PCDH15: variants seen among roughly 807,000 people sequenced by gnomAD.
PCDH15 encodes protocadherin related 15.
Under a neutral mutation model 178.5 loss-of-function variants are expected in PCDH15, and 129 were observed. That is an observed-to-expected ratio of 0.72 (90% CI 0.63 to 0.84). PCDH15 has a LOEUF of 0.84. PCDH15 is among the 40% of genes least tolerant of loss of function. The pLI is 0.00. For missense variants in PCDH15, 2,230 were observed against 2,099.9 expected (o/e 1.06, Z -1.21); for synonymous variants, 800 against 732.0 (o/e 1.09, Z -1.50).
intron 1 of PCDH15, among the ~76,000 whole-genome samples, chr10:54,780,635 C>A (rs189546410): frequency 7.3e-5 from 11 of 149,838 alleles, no homozygotes; most frequent in South Asian, 2.1e-4. Flanking sequence ...AAAACACTAT[C>A]AAGTTTCTGG....
chr10:54,452,577 CTAAAG>C (rs2076546881), intron 3 of PCDH15: 1 of 151,990 alleles, frequency 6.6e-6, no homozygotes, highest in Non-Finnish European at 1.5e-5. Context: ...AATCCTAGGA[CTAAAG>C]TTGGTAAGCC....
At chr10:55,062,763 G>A (rs1267148498) in intron 2 of PCDH15, among the ~76,000 whole-genome samples, 2 of 152,118 alleles carry the variant, frequency 1.3e-5, no homozygotes, top group African/African-American at 4.8e-5. Flanking sequence ...TATTACTATA[G>A]ACTCATCAAT....
At chr10:55,217,269 A>G (rs2132178507) in intron 1 of PCDH15, among the ~76,000 whole-genome samples, 1 of 151,960 alleles carries the variant, frequency 6.6e-6, no homozygotes, top group East Asian at 1.9e-4. Flanking sequence ...AAAACATATC[A>G]ATAGATAGGG....
intron 2 of PCDH15, among the ~76,000 whole-genome samples, chr10:55,364,392 C>A: frequency 6.6e-6 from 1 of 152,124 alleles, no homozygotes; most frequent in East Asian, 1.9e-4. Flanking sequence ...TCTGTCAGCA[C>A]TTTAAAAATG....
intron 35 of PCDH15, 139 bp from the exon 36 acceptor site, chr10:53,811,758 A>T: frequency 2.1e-6 from 1 of 487,064 alleles, no homozygotes; most frequent in Non-Finnish European, 3.6e-6. Flanking sequence ...TGTCAGTTAA[A>T]GCAATTAAAA....
At chr10:54,772,057 AG>A in intron 1 of PCDH15, among the ~76,000 whole-genome samples, 1 of 152,300 alleles carries the variant, frequency 6.6e-6, no homozygotes, top group South Asian at 2.1e-4. Context: ...GCCACCCATG[AG>A]TCCACTCAGA....
intron 3 of PCDH15, among the ~76,000 whole-genome samples, chr10:54,871,333 G>A (rs72798524): frequency 0.11 from 17,106 of 151,522 alleles, 1,318 homozygotes; most frequent in East Asian, 0.24. Context: ...ATATGAGACT[G>A]TAGATAATGA....
In PCDH15 at chr10:55,365,591, G is replaced by A. The variant is rs1448192669; in HGVS notation, c.-155-198940C>T. 2.0e-5 allele frequency among the ~76,000 whole-genome samples: 3 copies of A among 152,074 alleles called. No individual in the cohort carries two copies. In the East Asian group the frequency reaches 5.8e-4, roughly 29 times the overall value. Reference sequence around the variant, plus strand: ...TGTCATGGGAGGAACCCAGTGGGAGGTGATTGCATTATGGGGGAGGGTCTT... The same window carrying A: ...TGTCATGGGAGGAACCCAGTGGGAGATGATTGCATTATGGGGGAGGGTCTT... On this transcript the variant is annotated intron_variant, in intron 2 of 5. Transcript: ENST00000613346.
intron 3 of PCDH15, among the ~76,000 whole-genome samples, chr10:54,421,671 C>CATATAT (rs369324916): frequency 9.1e-6 from 1 of 109,944 alleles, no homozygotes; most frequent in East Asian, 2.3e-4. Flanking sequence ...TGTATATATA[C>CATATAT]ATATATATAT....
intron 2 of PCDH15, among the ~76,000 whole-genome samples, chr10:54,571,930 T>A (rs2089903171): frequency 6.6e-6 from 1 of 152,100 alleles, no homozygotes; most frequent in Non-Finnish European, 1.5e-5. Context: ...GGGTGTGAGT[T>A]GAAGAACAGT....
intron 2 of PCDH15, among the ~76,000 whole-genome samples, chr10:55,488,417 T>C (rs1249613489): frequency 4.0e-5 from 6 of 151,532 alleles, no homozygotes; most frequent in East Asian, 2.0e-4. Flanking sequence ...TATCAATCAA[T>C]GCATAGCAAG....
At chr10:55,297,173 G>GA (rs971967977) in intron 1 of PCDH15, among the ~76,000 whole-genome samples, 2 of 151,084 alleles carry the variant, frequency 1.3e-5, no homozygotes, top group Non-Finnish European at 3.0e-5. Flanking sequence ...CAGTATGTTA[G>GA]AAAAAAAATA....
At chr10:55,493,677 T>C (rs1840471576) in intron 2 of PCDH15, among the ~76,000 whole-genome samples, 1 of 151,868 alleles carries the variant, frequency 6.6e-6, no homozygotes, top group African/African-American at 2.4e-5. Context: ...TTTCAAAAGA[T>C]GAAGGCAAAA....
chr10:55,527,474 G>T (rs1841325459), intron 2 of PCDH15, among the ~76,000 whole-genome samples: 1 of 151,870 alleles, frequency 6.6e-6, no homozygotes, highest in Admixed American at 6.6e-5. Flanking sequence ...GATTAGGGTC[G>T]ATTTACTCCA....
chr10:55,301,737 C>T (rs1378815302), intron 1 of PCDH15, among the ~76,000 whole-genome samples: 1 of 152,038 alleles, frequency 6.6e-6, no homozygotes, highest in Non-Finnish European at 1.5e-5. Context: ...ACATTTTAGT[C>T]CATGATCCAG....
At chr10:54,835,847 T>C (rs1953307205) in intron 3 of PCDH15, among the ~76,000 whole-genome samples, 1 of 152,110 alleles carries the variant, frequency 6.6e-6, no homozygotes, top group African/African-American at 2.4e-5. Flanking sequence ...CCTGATGAAA[T>C]AAACTGTCAC....
chr10:54,256,601 C>T (rs2056916570), intron 8 of PCDH15, among the ~76,000 whole-genome samples: 1 of 152,100 alleles, frequency 6.6e-6, no homozygotes. Context: ...TGACTTTCCA[C>T]CATTATATGT....
At position 54,317,338 on chromosome 10, in the gene PCDH15, A is replaced by G. The variant is rs727503367; in HGVS notation, c.809T>C (p.Leu270Pro). ...DLGPMFLPCV[L>P]VPNTRDCRPL... Reference sequence around the variant, plus strand: ...ACGGCAATCACGAGTGTTTGGCACAAGGACACAAGGAAGAAACATTGGACC... The same window carrying G: ...ACGGCAATCACGAGTGTTTGGCACAGGGACACAAGGAAGAAACATTGGACC... The change falls in exon 8 of 38, where the codon CTT (leucine) becomes CCT (proline). Residue 270 changes from leucine to proline, a missense_variant. Coordinates refer to ENST00000644397, the MANE Select transcript of PCDH15 (RefSeq NM_001384140.1). 1.2e-6 allele frequency: 2 copies of G among 1,614,048 alleles called. No individual in the cohort carries two copies. The highest frequency in any genetic ancestry group is 2.7e-5 in the African/African-American group (2 of 75,048).
chr10:54,663,664 A>G (rs1169925951), intron 2 of PCDH15, among the ~76,000 whole-genome samples: 1 of 147,558 alleles, frequency 6.8e-6, no homozygotes, highest in African/African-American at 2.5e-5. Context: ...CCAAAATACC[A>G]AATCTTTTTT....
Sources: allele counts gnomAD v4.1 joint callset (sites outside exome capture counted in the v4.1 genomes callset), GRCh38; gene constraint gnomAD v4.1.1; transcripts MANE v1.5; gene names NCBI Gene and HGNC (gene_info 2026-07-23, HGNC 2026-07-21).